The following ADAM19 variants were observed in gnomAD, a reference collection of about 807,000 sequenced individuals.
ADAM19 encodes ADAM metallopeptidase domain 19.
A neutral mutation model predicts 114.7 loss-of-function variants in ADAM19; 65 were observed. That is an observed-to-expected ratio of 0.57 (90% CI 0.46 to 0.70). The LOEUF is 0.70. ADAM19 is among the 30% of genes least tolerant of loss of function. The probability of loss-of-function intolerance (pLI) is 0.00; values close to 1 mark genes in which losing one functional copy is unlikely to be tolerated. For missense variants in ADAM19, 1,063 were observed against 1,204.7 expected, an observed-to-expected ratio of 0.88 and a Z score of 1.74; for synonymous variants, 466 against 460.5, an observed-to-expected ratio of 1.01 and a Z score of -0.15.
intron 19 of ADAM19, 103 bp from the exon 20 acceptor site, chr5:157,489,289 CT>C: frequency 1.2e-6 from 1 of 814,606 alleles, no homozygotes; most frequent in Non-Finnish European, 2.1e-6. Flanking sequence ...GCAGCTAAAT[CT>C]TTCCCAAGTC....
At chr5:157,560,741 G>T (rs1757488593) in intron 3 of ADAM19, among the ~76,000 whole-genome samples, 1 of 152,172 alleles carries the variant, frequency 6.6e-6, no homozygotes, top group Non-Finnish European at 1.5e-5. Flanking sequence ...AAAGGTCCAG[G>T]GTTTGCTCAC....
At chr5:157,574,422 C>G (rs1757914986) in intron 1 of ADAM19, among the ~76,000 whole-genome samples, 1 of 152,180 alleles carries the variant, frequency 6.6e-6, no homozygotes, top group African/African-American at 2.4e-5. Flanking sequence ...TTCGGAACAA[C>G]AGCTCAAAGG....
At chr5:157,510,941 C>T (rs1379964100) in intron 8 of ADAM19, among the ~76,000 whole-genome samples, 1 of 152,178 alleles carries the variant, frequency 6.6e-6, no homozygotes, top group Admixed American at 6.5e-5. Flanking sequence ...AAGCAGGTTG[C>T]AAGCAATAGA....
chr5:157,500,616 T>A (rs1755530055), intron 12 of ADAM19, among the ~76,000 whole-genome samples: 1 of 152,188 alleles, frequency 6.6e-6, no homozygotes. Flanking sequence ...AAGAGTCTGC[T>A]GGAACAACCT....
chr5:157,525,312 T>G (rs1157809199), intron 5 of ADAM19, among the ~76,000 whole-genome samples: 1 of 152,210 alleles, frequency 6.6e-6, no homozygotes, highest in East Asian at 1.9e-4. Context: ...CAGGGCTGGC[T>G]GTGTGTATAT....
At chr5:157,511,569 G>C (rs1334252825) in intron 8 of ADAM19, among the ~76,000 whole-genome samples, 1 of 152,198 alleles carries the variant, frequency 6.6e-6, no homozygotes, top group African/African-American at 2.4e-5. Context: ...TTTTGTGCCA[G>C]TTCAATCGTT....
chr5:157,506,993 A>G, intron 10 of ADAM19, 63 bp downstream of exon 10: 1 of 1,336,508 alleles, frequency 7.5e-7, no homozygotes, highest in South Asian at 1.2e-5. Context: ...TCAAAAGATG[A>G]CCTCTGGTCT....
intron 21 of ADAM19, among the ~76,000 whole-genome samples, chr5:157,486,922 A>C (rs962370621): frequency 6.6e-6 from 1 of 151,398 alleles, no homozygotes; most frequent in Non-Finnish European, 1.5e-5. Flanking sequence ...TGGTGTCCTC[A>C]TAAGAAGAGG....
intron 5 of ADAM19, among the ~76,000 whole-genome samples, chr5:157,527,719 T>C (rs986503033): frequency 7.9e-5 from 12 of 152,140 alleles, no homozygotes; most frequent in Non-Finnish European, 1.5e-4. Flanking sequence ...ACAAGGAATA[T>C]TCCTAAAAGG....
In ADAM19 at chr5:157,494,736, C is replaced by T. The variant is rs1409581731; in HGVS notation, c.1654G>A (p.Gly552Arg). The change falls in exon 15 of 23, where the codon GGA becomes AGA. Residue 552 changes from glycine to arginine, a missense_variant. Physicochemically the swap from Gly to Arg is moderately radical, Grantham distance 125. Coordinates refer to ENST00000257527, the MANE Select transcript of ADAM19 (RefSeq NM_033274.5). ...CCATTCATGTCCTTTCCACAGTTTC[C>T]AAAGGTGTCTCCTGCCACATTCACC... The part of the protein sequence containing the change: ...EKVNVAGDTF[G>R]NCGKDMNGEH... 6.2e-7 allele frequency: 1 copy of T among 1,613,898 alleles called. No homozygotes were observed. Among genetic ancestry groups the T allele is most frequent in the African/African-American group, 1.3e-5 (1 of 75,018 alleles).
chr5:157,563,573 G>A (rs78001157), intron 3 of ADAM19, among the ~76,000 whole-genome samples: 1,732 of 152,226 alleles, frequency 0.011, 29 homozygotes, highest in African/African-American at 0.039. Flanking sequence ...TCCAAGCCAC[G>A]CAGCCTTATC....
intron 5 of ADAM19, among the ~76,000 whole-genome samples, chr5:157,529,196 T>C (rs1234416029): frequency 6.6e-6 from 1 of 152,162 alleles, no homozygotes; most frequent in Non-Finnish European, 1.5e-5. Context: ...TGAGCCTGTG[T>C]ATTCTGGGAA....
chr5:157,522,983 A>G (rs905840413), intron 5 of ADAM19, among the ~76,000 whole-genome samples: 4 of 152,174 alleles, frequency 2.6e-5, no homozygotes, highest in African/African-American at 9.7e-5. Context: ...GATGCCAGGC[A>G]CTGTGTTTAC....
intron 18 of ADAM19, 131 bp downstream of exon 18, chr5:157,491,484 T>A (rs895334314): frequency 4.4e-6 from 3 of 675,794 alleles, no homozygotes; most frequent in Non-Finnish European, 7.2e-6. Context: ...TCTGTCTTTA[T>A]CCTGATTTCC....
chr5:157,521,432 G>A (rs1417889748), intron 5 of ADAM19, among the ~76,000 whole-genome samples: 1 of 152,130 alleles, frequency 6.6e-6, no homozygotes, highest in Non-Finnish European at 1.5e-5. Context: ...AAATTGGCAG[G>A]ACCTCTCTCT....
chr5:157,505,334 A>G (rs1041745019), intron 11 of ADAM19, among the ~76,000 whole-genome samples: 2 of 152,122 alleles, frequency 1.3e-5, no homozygotes, highest in Non-Finnish European at 2.9e-5. Flanking sequence ...TAGAAGAATT[A>G]AGGGCTGTGG....
intron 5 of ADAM19, among the ~76,000 whole-genome samples, chr5:157,528,767 T>C (rs1033597520): frequency 6.6e-6 from 1 of 152,170 alleles, no homozygotes; most frequent in Non-Finnish European, 1.5e-5. Flanking sequence ...GAAAAACCCT[T>C]ATGTTTAAAA....
At chr5:157,494,015 G>A (rs1755261157) in intron 15 of ADAM19, among the ~76,000 whole-genome samples, 1 of 152,228 alleles carries the variant, frequency 6.6e-6, no homozygotes, top group African/African-American at 2.4e-5. Context: ...AAGATGGGTT[G>A]GATGGCTCTC....
At chr5:157,504,890 C>A (rs28503185) in intron 11 of ADAM19, among the ~76,000 whole-genome samples, 63,294 of 151,312 alleles carry the variant, frequency 0.42, 14,338 homozygotes, top group African/African-American at 0.59. Context: ...GAGGCCGAGG[C>A]GGGTGGATCA....
Sources: gnomAD v4.1 joint callset for allele counts (sites outside exome capture counted in the v4.1 genomes callset) on GRCh38, gnomAD v4.1.1 for gene constraint, MANE v1.5 for transcripts, NCBI Gene and HGNC (gene_info 2026-07-23, HGNC 2026-07-21) for gene names.